NPC1L1: variants seen among roughly 807,000 people sequenced by gnomAD.
NPC1L1 encodes NPC1-like intracellular cholesterol transporter 1.
NPC1L1 carries 98 observed loss-of-function variants against 117.0 expected under a neutral mutation model. That is an observed-to-expected ratio of 0.84 (90% confidence interval 0.71 to 0.99). The LOEUF is 0.99. Ranked by LOEUF, NPC1L1 falls within the 50% of genes least tolerant of loss-of-function variation. NPC1L1 has a pLI of 0.00. For synonymous variants in NPC1L1, 729 were observed against 727.6 expected (o/e 1.00, Z -0.03); for missense variants, 1,540 against 1,710.0 (o/e 0.90, Z 1.75).
In NPC1L1 at chr7:44,539,385, C is replaced by A. The variant is rs1802008023; in HGVS notation, c.1012G>T (p.Gly338Cys). ...KLSFSTHTLL[G>C]QFFQGWGTWV... Reference sequence around the variant, plus strand: ...GTGCCCCAGCCCTGGAAGAACTGGCCAAGGAGGGTGTGGGTGGAGAAGCTG... The same window carrying A: ...GTGCCCCAGCCCTGGAAGAACTGGCAAAGGAGGGTGTGGGTGGAGAAGCTG... Residue 338 changes from glycine to cysteine, a missense_variant, in exon 2 of 19, where the codon GGC becomes TGC. By Grantham distance (159) the Gly-to-Cys change is radical. Coordinates refer to ENST00000381160, the MANE Select transcript of NPC1L1 (RefSeq NM_001101648.2). This position sits in a 1 kb window ranked among gnomAD's most constrained non-coding sequence, Gnocchi z 4.4. 4 of 1,613,914 alleles carry A rather than the reference C, an allele frequency of 2.5e-6. No homozygotes were observed. Among genetic ancestry groups the A allele is most frequent in the Non-Finnish European group, 3.4e-6 (4 of 1,179,896 alleles).
rs1318649824 is a variant in NPC1L1 at position 44,540,297 on chromosome 7, C to A, written c.100G>T (p.Ala34Ser). 1 of 1,613,778 alleles carries A rather than the reference C, an allele frequency of 6.2e-7. No individual in the cohort carries two copies. The change falls in exon 2 of 19, where the codon GCC becomes TCC. Residue 34 changes from alanine to serine, a missense_variant. This residue lies in a region of NPC1L1 where 793 missense variants were observed against 820.4 expected (regional missense o/e 0.97). Transcript: ENST00000381160. ...YTTIHQPGYC[A>S]FYDECGKNPE... is the part of the protein sequence containing the mutation. ...TTCTTCCCACATTCGTCATAGAAGG[C>A]GCAGTAGCCAGGCTGGTGGATGGTT...
intron 10 of NPC1L1, among the ~76,000 whole-genome samples, chr7:44,526,699 A>AC (rs1218904840): frequency 6.6e-6 from 1 of 151,888 alleles, no homozygotes; most frequent in African/African-American, 2.4e-5. Flanking sequence ...ACACAGTGAG[A>AC]CCCCCATCTC....
rs772199319 is a variant in NPC1L1, at chr7:44,540,063, G to A, written c.334C>T (p.Arg112Cys). The change falls in exon 2 of 19, where the codon CGC becomes TGC. Residue 112 changes from arginine (R) to cysteine (C), a missense_variant. Around this residue, in one of 3 missense-constraint regions of NPC1L1, gnomAD observed 793 missense variants for 820.4 expected, o/e 0.97. Transcript: ENST00000381160. ...AAATTGTCAGAGCAGGCTGGGCAGC[G>A]GGTGAGGAGGGCCTTGGTGATCGAC... ...SLSITKALLT[R>C]CPACSDNFVN... 2.0e-5 allele frequency: 33 copies of A among 1,614,082 alleles called. No individual in the cohort carries two copies. Among genetic ancestry groups the A allele is most frequent in the African/African-American group, 6.7e-5 (5 of 74,942 alleles).
intron 10 of NPC1L1, among the ~76,000 whole-genome samples, chr7:44,531,026 C>T (rs546677933): frequency 6.6e-5 from 10 of 152,358 alleles, no homozygotes; most frequent in Non-Finnish European, 1.2e-4. Flanking sequence ...CGAGTCCCCT[C>T]GATGCCTTCC....
At position 44,517,205 on chromosome 7, in the gene NPC1L1, A is replaced by T. The variant is rs1398804274; in HGVS notation, c.3287+2T>A. On this transcript the variant is annotated splice_donor_variant, in intron 15 of 18. Transcript: ENST00000381160. LOFTEE classifies it high-confidence loss of function. ...CTCCAGCCCAGCCACTCAGGTCCTC[A>T]CGTGTAGGGGAAGACCTCAAAAGCC... 1 of 1,613,910 alleles carries T rather than the reference A, an allele frequency of 6.2e-7. No homozygotes were observed. Among genetic ancestry groups the T allele is most frequent in the African/African-American group, 1.3e-5 (1 of 74,892 alleles).
At chr7:44,519,706 TAC>T (rs1385198973) in intron 14 of NPC1L1, among the ~76,000 whole-genome samples, 2 of 152,172 alleles carry the variant, frequency 1.3e-5, no homozygotes, top group Non-Finnish European at 2.9e-5. Context: ...CCAGCTCCTT[TAC>T]ACAGATGGCT....
rs762432351 is a variant in NPC1L1, at chr7:44,539,758, C to A, written c.639G>T (p.Leu213=). ...GGTGGAAGGTGATGTCCAGTGGGGC[C>A]AGACCATTGCCTGTGTCTCCCTGGA... The part of the protein sequence containing the change: ...LNFQGDTGNG[L]APLDITFHLL... The change falls in exon 2 of 19, where the codon CTG becomes CTT. Residue 213 remains leucine, a synonymous_variant. Transcript: ENST00000381160. This position sits in a 1 kb window ranked among gnomAD's most constrained non-coding sequence, Gnocchi z 4.4. The A allele has an allele frequency of 3.2e-5, 51 of 1,614,048 alleles. No individual in the cohort carries two copies. The East Asian group carries it at 1.1e-3, about 35-fold the overall frequency.
intron 14 of NPC1L1, among the ~76,000 whole-genome samples, chr7:44,519,812 C>T (rs75148562): frequency 0.23 from 34,136 of 146,424 alleles, 4,185 homozygotes; most frequent in Non-Finnish European, 0.26. Flanking sequence ...TTTTTTCTTT[C>T]TTTTTTTTTT....
At chr7:44,518,912 G>C (rs1186922828) in intron 14 of NPC1L1, among the ~76,000 whole-genome samples, 1 of 151,502 alleles carries the variant, frequency 6.6e-6, no homozygotes, top group East Asian at 1.9e-4. Flanking sequence ...TTGGGTGAGG[G>C]CTGAGAACTT....
In NPC1L1 at chr7:44,539,991, A is replaced by G. The variant is rs1230200002; in HGVS notation, c.406T>C (p.Phe136Leu). 1 of 1,614,242 alleles carries G rather than the reference A, an allele frequency of 6.2e-7. No individual in the cohort carries two copies. The highest frequency in any genetic ancestry group is 2.2e-5 in the East Asian group (1 of 44,888). Reference sequence around the variant, plus strand: ...TGGGCCACGCGGGTCACATTGATGAAGAGGCTCTGATTGGGGCTGCACGTG... The same window carrying G: ...TGGGCCACGCGGGTCACATTGATGAGGAGGCTCTGATTGGGGCTGCACGTG... The part of the protein sequence containing the change: ...HNTCSPNQSL[F>L]INVTRVAQLG... The change falls in exon 2 of 19, where the codon TTC becomes CTC. Residue 136 changes from phenylalanine to leucine, a missense_variant. Phe to Leu is a conservative substitution (Grantham distance 22). This residue lies in a region of NPC1L1 where 793 missense variants were observed against 820.4 expected (regional missense o/e 0.97). Transcript: ENST00000381160. This position sits in a 1 kb window ranked among gnomAD's most constrained non-coding sequence, Gnocchi z 4.4.
At chr7:44,518,634 A>T in intron 14 of NPC1L1, 1 of 940,874 alleles carries the variant, frequency 1.1e-6, no homozygotes, top group Non-Finnish European at 1.5e-6. Context: ...GTGCCACTGT[A>T]CTCCAGCCTG....
rs1340269959 is a variant in NPC1L1 at position 44,533,808 on chromosome 7, G to A, written c.2212C>T (p.Arg738Ter). The A allele has an allele frequency of 2.3e-5, 37 of 1,613,584 alleles. No homozygotes were observed. Among genetic ancestry groups the A allele is most frequent in the South Asian group, 8.8e-5 (8 of 90,964 alleles). The change falls in exon 7 of 19, where the codon CGA (arginine) becomes TGA (stop). Residue 738 changes from arginine (R) to a stop codon, truncating the protein, a stop_gained. Coordinates refer to ENST00000381160, the MANE Select transcript of NPC1L1 (RefSeq NM_001101648.2). LOFTEE classifies it high-confidence loss of function. ...CTGGGAGCCACCCTGCCTAGGGCTC[G>A]CCCAATGTGGACCTCTCGTGGCTCC... The part of the protein sequence containing the change: ...PGEPREVHIG[R>*]ALGRVAPSML...
intron 10 of NPC1L1, among the ~76,000 whole-genome samples, chr7:44,528,113 C>T (rs1324699519): frequency 1.3e-5 from 2 of 152,130 alleles, no homozygotes; most frequent in Admixed American, 1.3e-4. Flanking sequence ...GCCACTACAC[C>T]CAGCTGAAAA....
intron 10 of NPC1L1, 43 bp downstream of exon 10, chr7:44,531,712 C>A (rs1471768175): frequency 8.5e-6 from 13 of 1,535,810 alleles, no homozygotes; most frequent in South Asian, 1.2e-5. Context: ...CTGCCCCTCC[C>A]CAAATCCCAG....
At chr7:44,537,085 C>G (rs956171070) in intron 2 of NPC1L1, 143 bp from the exon 3 acceptor site, 6 of 653,768 alleles carry the variant, frequency 9.2e-6, no homozygotes, top group Non-Finnish European at 1.6e-5. Flanking sequence ...GCAGATAGCC[C>G]AGCTATCTGC....
intron 18 of NPC1L1, among the ~76,000 whole-genome samples, chr7:44,515,087 A>G (rs556686361): frequency 4.6e-5 from 7 of 152,158 alleles, no homozygotes; most frequent in Non-Finnish European, 7.3e-5. Context: ...AGCCAAGCGC[A>G]GTGGCTCACA....
chr7:44,529,222 A>G (rs1408428069), intron 10 of NPC1L1, among the ~76,000 whole-genome samples: 2 of 152,056 alleles, frequency 1.3e-5, no homozygotes, highest in African/African-American at 4.8e-5. Flanking sequence ...CTGCTAAAAA[A>G]CAGCAAAACG....
intron 1 of NPC1L1, among the ~76,000 whole-genome samples, chr7:44,540,940 A>T (rs111456349): frequency 2.0e-5 from 3 of 152,132 alleles, no homozygotes; most frequent in African/African-American, 7.2e-5. Context: ...ACCCCACAGT[A>T]GGGCCAGTGA....
chr7:44,539,622 A>G lies in NPC1L1; in HGVS notation c.775T>C (p.Cys259Arg). 1 of 1,613,914 alleles carries G rather than the reference A, an allele frequency of 6.2e-7. No individual in the cohort carries two copies. Among genetic ancestry groups the G allele is most frequent in the East Asian group, 2.2e-5 (1 of 44,884 alleles). ...DDVATCSCQDCAASCPAIARP... is the reference protein window; with the variant it reads ...DDVATCSCQDRAASCPAIARP... Reference sequence around the variant, plus strand: ...GCTATGGCAGGACAGGATGCAGCACAGTCTTGGCAGGAGCAGGTCGCCACG... The same window carrying G: ...GCTATGGCAGGACAGGATGCAGCACGGTCTTGGCAGGAGCAGGTCGCCACG... The change falls in exon 2 of 19, where the codon TGT (cysteine) becomes CGT (arginine). Residue 259 changes from cysteine (C) to arginine (R), a missense_variant. Physicochemically the swap from Cys to Arg is radical, Grantham distance 180. Around this residue, in one of 3 missense-constraint regions of NPC1L1, gnomAD observed 793 missense variants for 820.4 expected, o/e 0.97. Transcript: ENST00000381160. The surrounding 1 kb of genome is among the most constrained non-coding windows in gnomAD (Gnocchi z 4.4).
Sources: gnomAD v4.1 joint callset for allele counts (sites outside exome capture counted in the v4.1 genomes callset) on GRCh38, gnomAD v4.1.1 for gene constraint, gnomAD v4.1.1 regional missense constraint, Gnocchi (gnomAD v3.1) non-coding constraint, MANE v1.5 for transcripts, NCBI Gene and HGNC (gene_info 2026-07-23, HGNC 2026-07-21) for gene names.